Variants in TOP2A observed in about 807,000 individuals in gnomAD.
TOP2A encodes the protein DNA topoisomerase 2-alpha.
In TOP2A, 68 loss-of-function variants were observed where a neutral mutation model predicts 187.2. The ratio of observed to expected loss-of-function variants is 0.36; its 90% CI spans 0.30 to 0.44. The LOEUF is 0.44. Among genes scored for constraint, TOP2A ranks in the 20% least tolerant of loss-of-function variants. The pLI is 1.00. For synonymous variants in TOP2A, 542 were observed against 593.2 expected, an observed-to-expected ratio of 0.91 and a Z score of 1.25; for missense variants, 1,196 against 1,808.7, an observed-to-expected ratio of 0.66 and a Z score of 6.14.
rs2143699521 is a variant in TOP2A, at chr17:40,417,689, A to G, written c.21+82T>C. On this transcript the variant is annotated intron_variant, in intron 1 of 34. Coordinates refer to ENST00000423485, the MANE Select transcript of TOP2A (RefSeq NM_001067.4). ...CGGTCGCCGGCCTGACCGCAGCCCC[A>G]GAGCTTCACCCGTCACGGGCGGCCA... is the stretch of plus-strand genomic sequence containing the variant. 3 of 1,600,858 alleles carry G rather than the reference A, an allele frequency of 1.9e-6. No homozygotes were observed. In the East Asian group the frequency reaches 6.8e-5, roughly 36 times the overall value.
Position 40,399,931 on chromosome 17 carries a change from G to T in TOP2A, c.3137C>A (p.Ala1046Asp). 1 of 1,612,464 alleles carries T rather than the reference G, an allele frequency of 6.2e-7. No individual in the cohort carries two copies. Among genetic ancestry groups the T allele is most frequent in the Non-Finnish European group, 8.5e-7 (1 of 1,179,322 alleles). Reference sequence around the variant, plus strand: ...AAAGCGAGCCTGATTATTCAGTTTAGCAGATTCAGCACCAAGCATTCCTAG... The same window carrying T: ...AAAGCGAGCCTGATTATTCAGTTTATCAGATTCAGCACCAAGCATTCCTAG... ...WLLGMLGAES[A>D]KLNNQARFIL... The change falls in exon 24 of 35, where the codon GCT (alanine) becomes GAT (aspartate). Residue 1046 changes from alanine (A) to aspartate (D), a missense_variant. Physicochemically the swap from Ala to Asp is moderately radical, Grantham distance 126. Coordinates refer to ENST00000423485, the MANE Select transcript of TOP2A (RefSeq NM_001067.4).
In TOP2A at chr17:40,406,287, T is replaced by C. The variant is rs1598615642; in HGVS notation, c.1953+97A>G. ...CTATTCTATAAAACATTCTTTTTTTTTTGATACGGAGTCTTATACAAAAAT... is the reference window on the plus strand; with the variant it reads ...CTATTCTATAAAACATTCTTTTTTTCTTGATACGGAGTCTTATACAAAAAT... On this transcript the variant is annotated intron_variant, in intron 16 of 34. Coordinates refer to ENST00000423485, the MANE Select transcript of TOP2A (RefSeq NM_001067.4). 6.5e-6 allele frequency: 5 copies of C among 768,290 alleles called. No individual in the cohort carries two copies. In the East Asian group the frequency reaches 1.4e-4, roughly 21 times the overall value. The allele number at this position is 768,290 out of a possible 1,614,324, so 47.6% of individuals were successfully genotyped here.
At chr17:40,408,661 A>C (rs201297110) in intron 10 of TOP2A, 31 bp from the exon 11 acceptor site, 2 of 1,608,732 alleles carry the variant, frequency 1.2e-6, no homozygotes, top group African/African-American at 1.3e-5. Flanking sequence ...ATTAGGGATC[A>C]TATTAGGGAA....
At position 40,400,906 on chromosome 17, in the gene TOP2A, G is replaced by C. The variant is rs772938292; in HGVS notation, c.2608C>G (p.Arg870Gly). Reference sequence around the variant, plus strand: ...CGCCTGATGTTATTTACAATTTCACGCACATCAAAGTTGGGGATTTTGCAG... The same window carrying C: ...CGCCTGATGTTATTTACAATTTCACCCACATCAAAGTTGGGGATTTTGCAG... ...WSCKIPNFDV[R>G]EIVNNIRRLM... The change falls in exon 21 of 35, where the codon CGT (arginine) becomes GGT (glycine). Residue 870 changes from arginine to glycine, a missense_variant. By Grantham distance (125) the Arg-to-Gly change is moderately radical. Around this residue, in one of 10 missense-constraint regions of TOP2A, gnomAD observed 232 missense variants for 306.1 expected, o/e 0.76. Coordinates refer to ENST00000423485, the MANE Select transcript of TOP2A (RefSeq NM_001067.4). 6.2e-7 allele frequency: 1 copy of C among 1,613,890 alleles called. No homozygotes were observed. Among genetic ancestry groups the C allele is most frequent in the Non-Finnish European group, 8.5e-7 (1 of 1,179,874 alleles).
chr17:40,416,242 T>C (rs71355455), intron 3 of TOP2A, among the ~76,000 whole-genome samples, 174 bp from the exon 4 acceptor site: 42 of 152,218 alleles, frequency 2.8e-4, no homozygotes, highest in Non-Finnish European at 5.9e-4. Context: ...CTCAACCTCC[T>C]GGGCTCCAGG....
rs77777702 is a variant in TOP2A at position 40,401,272 on chromosome 17, G to A, written c.2433-191C>T. On this transcript the variant is annotated intron_variant, in intron 20 of 34. Coordinates refer to ENST00000423485, the MANE Select transcript of TOP2A (RefSeq NM_001067.4). ...GACATAAAGTCTCAATCCTCAAGGA[G>A]CTCACAGTCCAGTAGAAGTTTGCAA... Among the ~76,000 whole-genome samples, 1,343 of 152,270 alleles carry A rather than the reference G, an allele frequency of 8.8e-3. 21 individuals carry two copies. Among genetic ancestry groups the A allele is most frequent in the African/African-American group, 0.031 (1,277 of 41,540 alleles).
rs747942197 is a variant in TOP2A, at chr17:40,392,723, T to A, written c.3826A>T (p.Lys1276Ter). 4 of 1,610,470 alleles carry A rather than the reference T, an allele frequency of 2.5e-6. No homozygotes were observed. The African/African-American group carries it at 5.3e-5, about 22-fold the overall frequency. Residue 1276 changes from lysine (K) to a stop codon, truncating the protein, a stop_gained, in exon 30 of 35, where the codon AAA becomes TAA. Transcript: ENST00000423485. LOFTEE classifies it high-confidence loss of function. Reference sequence around the variant, plus strand: ...GGCTTAAATGCCAATGTAGTTTGTTTCTTTGTCTTTGTACCTAGAGGGGAG... The same window carrying A: ...GGCTTAAATGCCAATGTAGTTTGTTACTTTGTCTTTGTACCTAGAGGGGAG... ...QKREPGTKTK[K>*]QTTLAFKPIK...
chr17:40,399,944 C>G lies in TOP2A; in HGVS notation c.3124G>C (p.Gly1042Arg). The change falls in exon 24 of 35, where the codon GGT becomes CGT. Residue 1042 changes from glycine (G) to arginine (R), a missense_variant. By Grantham distance (125) the Gly-to-Arg change is moderately radical. Around this residue, in one of 10 missense-constraint regions of TOP2A, gnomAD observed 232 missense variants for 306.1 expected, o/e 0.76. Coordinates refer to ENST00000423485, the MANE Select transcript of TOP2A (RefSeq NM_001067.4). ...LRKEWLLGML[G>R]AESAKLNNQA... ...TTATTCAGTTTAGCAGATTCAGCAC[C>G]AAGCATTCCTAGGAGCCATTCTTTT... The G allele has an allele frequency of 6.2e-7, 1 of 1,613,028 alleles. No individual in the cohort carries two copies. Among genetic ancestry groups the G allele is most frequent in the Non-Finnish European group, 8.5e-7 (1 of 1,179,506 alleles).
chr17:40,409,363 G>GA (rs1202551480), intron 10 of TOP2A: 16 of 411,408 alleles, frequency 3.9e-5, no homozygotes, highest in African/African-American at 6.4e-5. Flanking sequence ...GAAACAGTGA[G>GA]AAGCTGTCTC....
At chr17:40,403,604 T>A (rs966847031) in intron 19 of TOP2A, among the ~76,000 whole-genome samples, 4 of 152,246 alleles carry the variant, frequency 2.6e-5, no homozygotes, top group African/African-American at 9.6e-5. Flanking sequence ...CTGTTTTACA[T>A]AATTAATGCA....
At chr17:40,416,154 T>G (rs2035387877) in intron 3 of TOP2A, 86 bp from the exon 4 acceptor site, 4 of 1,110,716 alleles carry the variant, frequency 3.6e-6, no homozygotes, top group Non-Finnish European at 5.3e-6. Context: ...GAAAAAAAAG[T>G]TCCCAAACAG....
chr17:40,404,341 C>G (rs1178981849), intron 18 of TOP2A, 36 bp downstream of exon 18: 4 of 1,606,190 alleles, frequency 2.5e-6, no homozygotes, highest in East Asian at 4.5e-5. Flanking sequence ...TGATTTCCAT[C>G]TTACAATGAA....
chr17:40,402,801 C>G, intron 20 of TOP2A, 105 bp downstream of exon 20: 1 of 1,265,996 alleles, frequency 7.9e-7, no homozygotes, highest in South Asian at 1.5e-5. Flanking sequence ...CCACTAGATG[C>G]CAGTATCTTC....
At chr17:40,410,927 A>C (rs2143678757) in intron 10 of TOP2A, among the ~76,000 whole-genome samples, 182 bp downstream of exon 10, 1 of 152,364 alleles carries the variant, frequency 6.6e-6, no homozygotes, top group Middle Eastern at 3.4e-3. Context: ...AAATACTGAA[A>C]TATAGACGGT....
In TOP2A at chr17:40,413,543, C is replaced by T; in HGVS notation, c.415G>A (p.Ala139Thr). ...EHKVEKMYVP[A>T]LIFGQLLTSS... is the part of the protein sequence containing the mutation. ...GTTAGGAGCTGTCCAAATATGAGAGCTGGGACATACATCTTTTCAACTTTG... is the reference window on the plus strand; with the variant it reads ...GTTAGGAGCTGTCCAAATATGAGAGTTGGGACATACATCTTTTCAACTTTG... The change falls in exon 5 of 35, where the codon GCT becomes ACT. Residue 139 changes from alanine to threonine, a missense_variant. By Grantham distance (58) the Ala-to-Thr change is moderately conservative. Coordinates refer to ENST00000423485, the MANE Select transcript of TOP2A (RefSeq NM_001067.4). 1 of 1,539,290 alleles carries T rather than the reference C, an allele frequency of 6.5e-7. No homozygotes were observed. Among genetic ancestry groups the T allele is most frequent in the Non-Finnish European group, 8.8e-7 (1 of 1,138,610 alleles).
At chr17:40,407,819 A>C in intron 12 of TOP2A, 145 bp from the exon 13 acceptor site, 1 of 1,191,282 alleles carries the variant, frequency 8.4e-7, no homozygotes, top group South Asian at 1.5e-5. Context: ...AAGGTCTGTT[A>C]AAATAGGCTA....
chr17:40,410,965 G>T, intron 10 of TOP2A, 144 bp downstream of exon 10: 1 of 799,046 alleles, frequency 1.3e-6, no homozygotes, highest in Non-Finnish European at 1.9e-6. Flanking sequence ...ATCAGTTAAA[G>T]TAAAGCCCTT....
chr17:40,407,599 C>T lies in TOP2A; in HGVS notation c.1576G>A (p.Asp526Asn), dbSNP rs2143668196. 1.3e-6 allele frequency: 2 copies of T among 1,594,558 alleles called. No homozygotes were observed. Among genetic ancestry groups the T allele is most frequent in the East Asian group, 2.3e-5 (1 of 44,308 alleles). The change falls in exon 13 of 35, where the codon GAT becomes AAT. Residue 526 changes from aspartate to asparagine, a missense_variant. By Grantham distance (23) the Asp-to-Asn change is conservative. This residue lies in a region of TOP2A where 252 missense variants were observed against 434.8 expected (regional missense o/e 0.58). Coordinates refer to ENST00000423485, the MANE Select transcript of TOP2A (RefSeq NM_001067.4). ...CCATAACGAAGCGTCTTCAATGAAT[C>T]TTCATCTTCATAGTTTTTCTTGTAC... ...LQYKKNYEDE[D>N]SLKTLRYGKI...
chr17:40,413,675 C>T (rs976134427), intron 4 of TOP2A, 50 bp from the exon 5 acceptor site: 3 of 909,608 alleles, frequency 3.3e-6, no homozygotes, highest in African/African-American at 3.5e-5. Flanking sequence ...TAAACGAATG[C>T]TTAACATTTA....
Sources: gnomAD v4.1 joint callset for allele counts (sites outside exome capture counted in the v4.1 genomes callset) on GRCh38, gnomAD v4.1.1 for gene constraint, gnomAD v4.1.1 regional missense constraint, MANE v1.5 for transcripts, NCBI Gene and HGNC (gene_info 2026-07-23, HGNC 2026-07-21) for gene names.